Variants in AR observed in about 807,000 individuals in gnomAD.
AR encodes the protein dihydrotestosterone receptor.
Under a neutral mutation model 53.9 loss-of-function variants are expected in AR, and 8 were observed. That is an observed-to-expected ratio of 0.15 (90% CI 0.09 to 0.27). The LOEUF (loss-of-function observed/expected upper bound fraction) is 0.27, where lower values mean the gene tolerates loss of function less well. Among genes scored for constraint, AR ranks in the 10% least tolerant of loss-of-function variants. AR has a pLI of 1.00. For missense variants in AR, 639 were observed against 742.5 expected (o/e 0.86, Z 1.62); for synonymous variants, 359 against 316.4 (o/e 1.13, Z -1.43).
chrX:67,697,030 ACT>A (rs1346617500), intron 3 of AR, among the ~76,000 whole-genome samples: 1 of 111,409 alleles, frequency 9.0e-6, no homozygotes. Context: ...AGGCCTTTGA[ACT>A]CTTTTTTGGA....
chrX:67,573,027 C>G (rs771994247), intron 1 of AR, among the ~76,000 whole-genome samples: 1 of 111,270 alleles, frequency 9.0e-6, no homozygotes, highest in East Asian at 2.9e-4. Flanking sequence ...ATTAACTGGG[C>G]CAGGGTCCTA....
Position 67,728,126 on chromosome X carries a change from A to G in AR, c.*4285A>G, listed in dbSNP as rs1182743929. On this transcript the variant is annotated 3_prime_UTR_variant, in exon 8 of 8. Transcript: ENST00000374690. The stretch of plus-strand genomic sequence containing the variant: ...TTAGTGCCTCTTTGATAAGCTGTCC[A>G]AAGACAGACTAAAGGACTCTGCTGG... 4.1e-5 allele frequency: 7 copies of G among 172,098 alleles called. No homozygotes were observed. The East Asian group carries it at 5.7e-4, about 14-fold the overall frequency. The allele number at this position is 172,098 out of a possible 1,213,427, so 14.2% of individuals were successfully genotyped here. A position where few individuals can be genotyped will look rare whatever the true frequency, so the allele number is the denominator to read the frequency against.
intron 1 of AR, among the ~76,000 whole-genome samples, chrX:67,616,402 T>C (rs1369587044): frequency 9.1e-6 from 1 of 109,775 alleles, no homozygotes; most frequent in East Asian, 2.9e-4. Flanking sequence ...CCTGTGTCCA[T>C]GTGTTCTCAT....
intron 1 of AR, among the ~76,000 whole-genome samples, chrX:67,574,364 G>T (rs1031182535): frequency 3.6e-5 from 4 of 111,184 alleles, no homozygotes; most frequent in Non-Finnish European, 5.7e-5. Context: ...CCAGAAGTAA[G>T]TAAGTAAGAC....
chrX:67,656,420 TTG>T (rs1569296634), intron 2 of AR, among the ~76,000 whole-genome samples: 22 of 111,017 alleles, frequency 2.0e-4, no homozygotes, highest in African/African-American at 6.5e-4. Context: ...TTCCCAGGCA[TTG>T]AAACAATCCT....
chrX:67,682,200 T>C (rs1234146548), intron 2 of AR, among the ~76,000 whole-genome samples: 1 of 111,687 alleles, frequency 9.0e-6, no homozygotes, highest in Non-Finnish European at 1.9e-5. Flanking sequence ...CTAGCCAATT[T>C]CATATTAATG....
At chrX:67,695,348 C>T (rs892014234) in intron 3 of AR, 20 of 752,060 alleles carry the variant, frequency 2.7e-5, no homozygotes, top group Non-Finnish European at 3.0e-5. Context: ...AAACAAGGAC[C>T]AGATTTCTGC....
chrX:67,557,745 C>T (rs1569268557), intron 1 of AR, among the ~76,000 whole-genome samples: 1 of 111,436 alleles, frequency 9.0e-6, no homozygotes, highest in South Asian at 3.8e-4. Flanking sequence ...CTCATTTGGG[C>T]AAGAGTGAGT....
chrX:67,680,527 C>G (rs1424514134), intron 2 of AR, among the ~76,000 whole-genome samples: 1 of 111,823 alleles, frequency 8.9e-6, no homozygotes, highest in Non-Finnish European at 1.9e-5. Flanking sequence ...TAAATACCAC[C>G]ATGAAGTTTT....
Position 67,661,390 on chromosome X carries a change from C to G in AR, c.1768+17983C>G, listed in dbSNP as rs1380730747. ...CTTATTATTTTGAGATACGTCCCAT[C>G]AATAACTAATTTATTGAGAGTTTTT... is the stretch of plus-strand genomic sequence containing the variant. On this transcript the variant is annotated intron_variant, in intron 2 of 7. Transcript: ENST00000374690. 3.6e-5 allele frequency among the ~76,000 whole-genome samples: 4 copies of G among 111,226 alleles called. 1 individual carries two copies. Among genetic ancestry groups the G allele is most frequent in the African/African-American group, 1.3e-4 (4 of 30,573 alleles).
chrX:67,700,721 A>G (rs187342137), intron 3 of AR, among the ~76,000 whole-genome samples: 1 of 111,837 alleles, frequency 8.9e-6, no homozygotes, highest in Non-Finnish European at 1.9e-5. Context: ...GGCACTATAC[A>G]GAGAAAGGGG....
rs2147318025 is a variant in AR, at chrX:67,545,860, G to A, written c.714G>A (p.Glu238=). 3 of 1,212,286 alleles carry A rather than the reference G, an allele frequency of 2.5e-6. No homozygotes were observed. Among genetic ancestry groups the A allele is most frequent in the Non-Finnish European group, 3.3e-6 (3 of 895,641 alleles). ...GTSTISDNAK[E]LCKAVSVSMG... ...CGACCATTTCTGACAACGCCAAGGA[G>A]TTGTGTAAGGCAGTGTCGGTGTCCA... The change falls in exon 1 of 8, where the codon GAG becomes GAA. Residue 238 remains glutamate, a synonymous_variant. Coordinates refer to ENST00000374690, the MANE Select transcript of AR (RefSeq NM_000044.6).
rs376528693 is a variant in AR, at chrX:67,632,344, C to T, written c.1617-10912C>T. Among the ~76,000 whole-genome samples, 379 of 103,858 alleles carry T rather than the reference C, an allele frequency of 3.6e-3. 2 individuals carry two copies. Among genetic ancestry groups the T allele is most frequent in the Middle Eastern group, 0.016 (3 of 185 alleles). 90.2% of individuals were successfully genotyped at this position (103,858 alleles called of 115,157 possible). On this transcript the variant is annotated intron_variant, in intron 1 of 7. Coordinates refer to ENST00000374690, the MANE Select transcript of AR (RefSeq NM_000044.6). ...ATGTGCGGGATATAATCTCCTGGTGCGCCGTTTTTTAAGCCCGTCAGAAAA... is the reference window on the plus strand; with the variant it reads ...ATGTGCGGGATATAATCTCCTGGTGTGCCGTTTTTTAAGCCCGTCAGAAAA...
rs771463719 is a variant in AR at position 67,545,513 on chromosome X, C to T, written c.367C>T (p.Leu123=). Residue 123 remains leucine, a synonymous_variant, in exon 1 of 8, where the codon CTG becomes TTG. Coordinates refer to ENST00000374690, the MANE Select transcript of AR (RefSeq NM_000044.6). ...GCAACCTTCACAGCCGCAGTCGGCC[C>T]TGGAGTGCCACCCCGAGAGAGGTTG... ...EQQPSQPQSA[L]ECHPERGCVP... 8.4e-7 allele frequency: 1 copy of T among 1,192,567 alleles called. No homozygotes were observed. The highest frequency in any genetic ancestry group is 1.1e-6 in the Non-Finnish European group (1 of 885,997).
chrX:67,691,630 A>G (rs185151321), intron 3 of AR, among the ~76,000 whole-genome samples: 2 of 111,831 alleles, frequency 1.8e-5, no homozygotes, highest in South Asian at 3.8e-4. Flanking sequence ...GGTATAGACA[A>G]AAACTCTATC....
At chrX:67,571,843 A>G (rs1921830388) in intron 1 of AR, among the ~76,000 whole-genome samples, 1 of 110,408 alleles carries the variant, frequency 9.1e-6, no homozygotes, top group Non-Finnish European at 1.9e-5. Flanking sequence ...AAAAAAAAAC[A>G]AGGAGGAGGA....
chrX:67,551,886 T>C (rs1787265427), intron 1 of AR, among the ~76,000 whole-genome samples: 1 of 111,966 alleles, frequency 8.9e-6, no homozygotes, highest in Non-Finnish European at 1.9e-5. Context: ...ATGGCAATTC[T>C]TGCTGCCAAC....
intron 1 of AR, among the ~76,000 whole-genome samples, chrX:67,620,886 G>A (rs1483629815): frequency 9.0e-6 from 1 of 111,510 alleles, no homozygotes; most frequent in Non-Finnish European, 1.9e-5. Context: ...ACATAGAAGG[G>A]CACTCAATAA....
At chrX:67,634,828 G>A (rs1290883031) in intron 1 of AR, among the ~76,000 whole-genome samples, 1 of 111,169 alleles carries the variant, frequency 9.0e-6, no homozygotes, top group Non-Finnish European at 1.9e-5. Flanking sequence ...AGTCATGTAG[G>A]GATGTCATGT....
Sources: gnomAD v4.1 joint callset for allele counts (sites outside exome capture counted in the v4.1 genomes callset) on GRCh38, gnomAD v4.1.1 for gene constraint, MANE v1.5 for transcripts, NCBI Gene and HGNC (gene_info 2026-07-23, HGNC 2026-07-21) for gene names.